Variants in MYLIP observed in about 807,000 individuals in gnomAD.
The protein encoded by MYLIP is myosin regulatory light chain interacting protein, also known as E3 ubiquitin-protein ligase MYLIP.
A neutral mutation model predicts 45.8 loss-of-function variants in MYLIP; 26 were observed. The ratio of observed to expected loss-of-function variants is 0.57; its 90% CI spans 0.42 to 0.79. The LOEUF (loss-of-function observed/expected upper bound fraction) is 0.79, where lower values mean the gene tolerates loss of function less well. Ranked by LOEUF, MYLIP falls within the 30% of genes least tolerant of loss-of-function variation. The pLI is 0.00. For missense variants in MYLIP, 494 were observed against 555.6 expected (o/e 0.89, Z 1.11); for synonymous variants, 213 against 218.1 (o/e 0.98, Z 0.21).
chr6:16,155,314 C>T, the MYLIP span, among the ~76,000 whole-genome samples: 4 of 152,168 alleles, frequency 2.6e-5, no homozygotes, highest in East Asian at 7.7e-4. Context: ...GAAAGATTCT[C>T]ATTATACAGG....
the MYLIP span, among the ~76,000 whole-genome samples, chr6:16,158,739 G>A: frequency 0.025 from 3,843 of 152,230 alleles, 49 homozygotes; most frequent in Middle Eastern, 0.044. Context: ...GCGTGGTGGC[G>A]GGCACCTGTA....
chr6:16,156,744 T>C, the MYLIP span, among the ~76,000 whole-genome samples: 4 of 152,320 alleles, frequency 2.6e-5, no homozygotes, highest in South Asian at 2.1e-4. Context: ...AAAGCAGATA[T>C]AGCTTGTTAT....
At chr6:16,150,270 C>T (rs2113589122), downstream of MYLIP, among the ~76,000 whole-genome samples, 1 of 152,206 alleles carries the variant, frequency 6.6e-6, no homozygotes, top group East Asian at 1.9e-4. Flanking sequence ...GTTAGGACTG[C>T]TGCAGGGTCA....
chr6:16,130,229 G>T (rs1004910836), intron 1 of MYLIP, among the ~76,000 whole-genome samples: 1 of 152,158 alleles, frequency 6.6e-6, no homozygotes, highest in Non-Finnish European at 1.5e-5. Flanking sequence ...GAGTATGCTG[G>T]TGGAGGGAAT....
intron 2 of MYLIP, among the ~76,000 whole-genome samples, chr6:16,136,231 C>T (rs1482917822): frequency 6.6e-6 from 1 of 151,994 alleles, no homozygotes; most frequent in African/African-American, 2.4e-5. Flanking sequence ...CAACCCCTCC[C>T]CTTCTTTCCC....
downstream of MYLIP, among the ~76,000 whole-genome samples, chr6:16,150,603 G>A (rs1235163752): frequency 6.6e-6 from 1 of 152,160 alleles, no homozygotes; most frequent in Non-Finnish European, 1.5e-5. Flanking sequence ...CGGGAGGCGA[G>A]AGGATTGCTT....
intron 2 of MYLIP, among the ~76,000 whole-genome samples, chr6:16,134,226 G>A (rs1046550814): frequency 3.3e-5 from 5 of 152,190 alleles, no homozygotes; most frequent in Admixed American, 1.3e-4. Context: ...TCTAATAAGT[G>A]TCTGTTGCAT....
intron 2 of MYLIP, among the ~76,000 whole-genome samples, chr6:16,131,130 A>G (rs1214053570): frequency 6.6e-6 from 1 of 152,036 alleles, no homozygotes; most frequent in Non-Finnish European, 1.5e-5. Context: ...CAGTGTTACT[A>G]TAGGTCATTG....
intron 2 of MYLIP, among the ~76,000 whole-genome samples, chr6:16,139,025 A>G (rs376233390): frequency 5.3e-5 from 8 of 152,226 alleles, no homozygotes; most frequent in Non-Finnish European, 8.8e-5. Context: ...CCGGAAGTGT[A>G]GGCATGGATA....
At position 16,129,095 on chromosome 6, in the gene MYLIP, G is replaced by A; in HGVS notation, c.-228G>A. On this transcript the variant is annotated 5_prime_UTR_variant, in exon 1 of 7. Transcript: ENST00000356840. The surrounding 1 kb of genome is among the most constrained non-coding windows in gnomAD (Gnocchi z 5.1). ...CTGTCGCAGCGCAGGCAGTTGGGCT[G>A]CTGGAGTGCGGCGCCACCGCGGAGG... The A allele has an allele frequency of 1.8e-6, 1 of 549,308 alleles. No individual in the cohort carries two copies. Among genetic ancestry groups the A allele is most frequent in the Non-Finnish European group, 3.2e-6 (1 of 310,392 alleles). 34.0% of individuals were successfully genotyped at this position (549,308 alleles called of 1,614,324 possible). A position where few individuals can be genotyped will look rare whatever the true frequency, so the allele number is the denominator to read the frequency against.
chr6:16,130,835 C>A, intron 2 of MYLIP, 88 bp downstream of exon 2: 1 of 1,329,072 alleles, frequency 7.5e-7, no homozygotes, highest in Non-Finnish European at 1.0e-6. Context: ...TACTCACAGG[C>A]AAGTTTGTTT....
At chr6:16,158,384 C>T in the MYLIP span, among the ~76,000 whole-genome samples, 1 of 152,214 alleles carries the variant, frequency 6.6e-6, no homozygotes, top group Non-Finnish European at 1.5e-5. Context: ...TATCACAGAG[C>T]TGCTGCTTTA....
rs201953912 is a variant in MYLIP at position 16,143,132 on chromosome 6, C to A, written c.577C>A (p.Arg193=). The A allele has an allele frequency of 1.9e-6, 3 of 1,614,068 alleles. No homozygotes were observed. Among genetic ancestry groups the A allele is most frequent in the Non-Finnish European group, 2.5e-6 (3 of 1,180,028 alleles). The change falls in exon 4 of 7, where the codon CGG becomes AGG. Residue 193 remains arginine (R), a synonymous_variant. Transcript: ENST00000356840. ...CTATGGCATAGAATGGCATTCTGTG[C>A]GGGATAGCGAAGGGCAGAAACTGCT... is the stretch of plus-strand genomic sequence containing the variant. The part of the protein sequence containing the change: ...ENYGIEWHSV[R]DSEGQKLLIG...
chr6:16,152,480 G>A (rs556282471), downstream of MYLIP, among the ~76,000 whole-genome samples: 2 of 152,210 alleles, frequency 1.3e-5, no homozygotes, highest in South Asian at 4.1e-4. Flanking sequence ...TGGGTAGAGG[G>A]CCCAAATGCT....
At chr6:16,163,319 T>C in the MYLIP span, 1 of 152,346 alleles carries the variant, frequency 6.6e-6, no homozygotes, top group East Asian at 1.9e-4. Flanking sequence ...AACAGACACA[T>C]GGCAGGTGTC....
the MYLIP span, among the ~76,000 whole-genome samples, chr6:16,156,882 G>A: frequency 6.6e-6 from 1 of 152,194 alleles, no homozygotes; most frequent in African/African-American, 2.4e-5. Context: ...CCTGCGTATG[G>A]ACAAGCCTTT....
At chr6:16,157,278 T>C in the MYLIP span, among the ~76,000 whole-genome samples, 11 of 152,246 alleles carry the variant, frequency 7.2e-5, no homozygotes, top group Non-Finnish European at 1.3e-4. Context: ...AATTATTCCA[T>C]GCAAAATCAA....
intron 2 of MYLIP, among the ~76,000 whole-genome samples, chr6:16,133,172 A>G (rs1759490273): frequency 6.6e-6 from 1 of 152,248 alleles, no homozygotes; most frequent in Non-Finnish European, 1.5e-5. Flanking sequence ...CAGCTCTGCC[A>G]CCAACTACCA....
In MYLIP at chr6:16,146,867, T is replaced by TAA. The variant is rs35112615; in HGVS notation, c.*129_*130dup. Reference sequence around the variant, plus strand: ...CCAACACCCATCTGCCATGCGATGTTAAAAAAAAAAAAAAGGAAGAAAAAT... The same window carrying TAA: ...CCAACACCCATCTGCCATGCGATGTTAAAAAAAAAAAAAAAAGGAAGAAAAAT... On this transcript the variant is annotated 3_prime_UTR_variant, in exon 7 of 7. Coordinates refer to ENST00000356840, the MANE Select transcript of MYLIP (RefSeq NM_013262.4). The TAA allele has an allele frequency of 0.061, 37,110 of 611,812 alleles. 931 individuals carry two copies. The highest frequency in any genetic ancestry group is 0.15 in the African/African-American group (7,847 of 51,060). 37.9% of individuals were successfully genotyped at this position (611,812 alleles called of 1,614,324 possible).
Sources: gnomAD v4.1 joint callset for allele counts (sites outside exome capture counted in the v4.1 genomes callset) on GRCh38, gnomAD v4.1.1 for gene constraint, Gnocchi (gnomAD v3.1) non-coding constraint, MANE v1.5 for transcripts, NCBI Gene and HGNC (gene_info 2026-07-23, HGNC 2026-07-21) for gene names.